GET1: variants seen among roughly 807,000 people sequenced by gnomAD.
GET1 encodes the protein congenital heart disease 5 protein.
A neutral mutation model predicts 22.6 loss-of-function variants in GET1; 20 were observed. That is an observed-to-expected ratio of 0.89 (90% CI 0.62 to 1.29). GET1 has a LOEUF of 1.29. Ranked by LOEUF, GET1 falls within the 50% of genes most tolerant of loss-of-function variation. The probability of loss-of-function intolerance (pLI) is 0.00; values close to 1 mark genes in which losing one functional copy is unlikely to be tolerated. For missense variants in GET1, 209 were observed against 219.9 expected (o/e 0.95, Z 0.31); for synonymous variants, 92 against 83.8 (o/e 1.10, Z -0.53).
chr21:39,396,066 C>T (rs1198720440), intron 4 of GET1, among the ~76,000 whole-genome samples: 2 of 152,192 alleles, frequency 1.3e-5, no homozygotes, highest in Admixed American at 1.3e-4. Context: ...GCAATTCCTG[C>T]TTAGTAAAGA....
At chr21:39,381,050 C>G (rs1390670663) in intron 1 of GET1, 1 of 719,662 alleles carries the variant, frequency 1.4e-6, no homozygotes, top group Non-Finnish European at 1.7e-6. Flanking sequence ...CTCTGTCTCA[C>G]GGCTGCTGGG....
chr21:39,400,437 C>A (rs145914161), downstream of GET1, among the ~76,000 whole-genome samples: 170 of 152,288 alleles, frequency 1.1e-3, 1 homozygote, highest in African/African-American at 3.8e-3. Context: ...TTTCTGTACT[C>A]CTCCTGCATG....
At chr21:39,391,679 A>G in intron 2 of GET1, 90 bp from the exon 3 acceptor site, 1 of 1,240,316 alleles carries the variant, frequency 8.1e-7, no homozygotes. Flanking sequence ...CAGAAAGTGT[A>G]TTATAAGGGA....
intron 1 of GET1, chr21:39,420,815 C>A: frequency 1.2e-5 from 19 of 1,612,838 alleles, no homozygotes; most frequent in Non-Finnish European, 1.6e-5. Context: ...AAAGGCTCTG[C>A]AGTTCAACCT....
At position 39,420,573 on chromosome 21, in the gene GET1, C is replaced by T. The variant is rs896584432; in HGVS notation, c.*24-7659C>T. The T allele has an allele frequency of 8.2e-5, 46 of 562,692 alleles. No homozygotes were observed. In the African/African-American group the frequency reaches 8.5e-4, roughly 10 times the overall value. 34.9% of individuals were successfully genotyped at this position (562,692 alleles called of 1,614,324 possible). On this transcript the variant is annotated intron_variant, in intron 1 of 1. Transcript: ENST00000478273. Reference sequence around the variant, plus strand: ...CAGAACTGTGGATGGGGGCCCAGGCCCCCTACAAAGGGTAGAGGAGCCTTA... The same window carrying T: ...CAGAACTGTGGATGGGGGCCCAGGCTCCCTACAAAGGGTAGAGGAGCCTTA...
intron 1 of GET1, chr21:39,423,199 T>G (rs969639528): frequency 6.2e-7 from 1 of 1,613,046 alleles, no homozygotes; most frequent in South Asian, 1.1e-5. Flanking sequence ...TTTTACTTCA[T>G]TCTGATGTTT....
intron 2 of GET1, chr21:39,391,221 C>G (rs535315431): frequency 4.3e-6 from 1 of 233,192 alleles, no homozygotes. Context: ...TTGTTCCACT[C>G]TCTAGAAAAA....
At chr21:39,427,086 A>G (rs1450505642) in intron 1 of GET1, among the ~76,000 whole-genome samples, 1 of 152,234 alleles carries the variant, frequency 6.6e-6, no homozygotes, top group Non-Finnish European at 1.5e-5. Context: ...AGCTGGTAAC[A>G]GCAGACTGGG....
At chr21:39,422,852 T>C (rs2073998848) in intron 1 of GET1, 1 of 884,566 alleles carries the variant, frequency 1.1e-6, no homozygotes, top group South Asian at 1.7e-5. Flanking sequence ...AATTATTTAG[T>C]GCAGCACGCC....
At chr21:39,387,679 T>TCC (rs2037997776) in intron 1 of GET1, 1 of 91,464 alleles carries the variant, frequency 1.1e-5, no homozygotes, top group African/African-American at 4.3e-5. Context: ...CCACCCCCCC[T>TCC]ACTCCCCACA....
At chr21:39,409,286 G>A (rs2039663062), downstream of GET1, among the ~76,000 whole-genome samples, 1 of 152,086 alleles carries the variant, frequency 6.6e-6, no homozygotes, top group African/African-American at 2.4e-5. The surrounding 1 kb of genome is among the most constrained non-coding windows in gnomAD (Gnocchi z 4.2). Context: ...CCTTGATCTC[G>A]GACTTCCTAG....
intron 1 of GET1, chr21:39,411,836 ATGCT>A (rs771010802): frequency 8.8e-6 from 11 of 1,255,204 alleles, no homozygotes; most frequent in Middle Eastern, 1.9e-4. Flanking sequence ...TTTTCTATAA[ATGCT>A]TGCTTTTGTC....
intron 1 of GET1, among the ~76,000 whole-genome samples, chr21:39,384,431 AT>A (rs922662958): frequency 6.7e-6 from 1 of 149,236 alleles, no homozygotes; most frequent in Non-Finnish European, 1.5e-5. Flanking sequence ...TAATTTTTGT[AT>A]TTTTTTTAGT....
At chr21:39,412,600 G>GCA (rs58572253) in intron 1 of GET1, among the ~76,000 whole-genome samples, 1,911 of 149,574 alleles carry the variant, frequency 0.013, 15 homozygotes, top group Middle Eastern at 0.024. Context: ...ACGTGCATGT[G>GCA]CACACACACA....
chr21:39,380,708 G>A (rs1040346534), intron 1 of GET1: 21 of 1,361,100 alleles, frequency 1.5e-5, no homozygotes, highest in Non-Finnish European at 2.0e-5. Flanking sequence ...GAAACACCGG[G>A]CAACCCTGGA....
chr21:39,414,306 C>T (rs2040642792), intron 1 of GET1: 2 of 152,142 alleles, frequency 1.3e-5, no homozygotes, highest in Admixed American at 1.3e-4. Flanking sequence ...TGACCGTAGC[C>T]TGGGTGTAAG....
downstream of GET1, among the ~76,000 whole-genome samples, chr21:39,407,514 C>T (rs1387079080): frequency 6.6e-6 from 1 of 152,050 alleles, no homozygotes. Flanking sequence ...TTCACTGTGG[C>T]GTGGGTTAGT....
chr21:39,413,169 C>T (rs185688384), intron 1 of GET1, among the ~76,000 whole-genome samples: 5 of 152,278 alleles, frequency 3.3e-5, no homozygotes, highest in South Asian at 2.1e-4. Flanking sequence ...ACTAGTCACT[C>T]GTCAGGAGAA....
chr21:39,419,260 C>T (rs2041851165), intron 1 of GET1, among the ~76,000 whole-genome samples: 1 of 151,994 alleles, frequency 6.6e-6, no homozygotes, highest in African/African-American at 2.4e-5. Flanking sequence ...TGTGGTGGCT[C>T]ACACCTGTAA....
Sources: allele counts gnomAD v4.1 joint callset (sites outside exome capture counted in the v4.1 genomes callset), GRCh38; gene constraint gnomAD v4.1.1; non-coding constraint Gnocchi (gnomAD v3.1); transcripts MANE v1.5; gene names NCBI Gene and HGNC (gene_info 2026-07-23, HGNC 2026-07-21).